The following NALCN variants were observed in gnomAD, a reference collection of about 807,000 sequenced individuals.
NALCN encodes the protein sodium leak channel, non-selective.
Under a neutral mutation model 225.3 loss-of-function variants are expected in NALCN, and 111 were observed. The ratio of observed to expected loss-of-function variants is 0.49; its 90% CI spans 0.42 to 0.58. The LOEUF (loss-of-function observed/expected upper bound fraction) is 0.58. Ranked by LOEUF, NALCN falls within the 20% of genes least tolerant of loss-of-function variation. NALCN has a pLI of 0.00. For synonymous variants in NALCN, 764 were observed against 769.0 expected (o/e 0.99, Z 0.11); for missense variants, 1,378 against 2,202.4 (o/e 0.63, Z 7.49).
rs2040753661 is a variant in NALCN at position 101,216,833 on chromosome 13, C to T, written c.1626+12560G>A. Among the ~76,000 whole-genome samples, 3 of 151,972 alleles carry T rather than the reference C, an allele frequency of 2.0e-5. No individual in the cohort carries two copies. The South Asian group carries it at 6.2e-4, about 32-fold the overall frequency. ...TATAGCATTTGTTGCTTCTATCGTG[C>T]AATAACTGTTTTGGACATATTTTAT... On this transcript the variant is annotated intron_variant, in intron 13 of 43. Transcript: ENST00000251127.
At position 101,054,997 on chromosome 13, in the gene NALCN, C is replaced by T. The variant is rs1396990986; in HGVS notation, c.*298G>A. The T allele has an allele frequency of 2.3e-5, 8 of 349,394 alleles. No individual in the cohort carries two copies. Among genetic ancestry groups the T allele is most frequent in the African/African-American group, 8.4e-5 (4 of 47,734 alleles). The allele number at this position is 349,394 out of a possible 1,614,324, so 21.6% of individuals were successfully genotyped here. On this transcript the variant is annotated 3_prime_UTR_variant, in exon 44 of 44. Coordinates refer to ENST00000251127, the MANE Select transcript of NALCN (RefSeq NM_052867.4). ...GCATTAGAGCACATATGAATATATA[C>T]CTTAGTTTACGCAGACAGAATATAT...
At chr13:101,074,479 T>C (rs765055434) in intron 36 of NALCN, 35 bp downstream of exon 36, 1 of 1,497,604 alleles carries the variant, frequency 6.7e-7, no homozygotes, top group Non-Finnish European at 8.9e-7. Flanking sequence ...AAGGGTTTGC[T>C]TGATAAATGA....
At position 101,111,145 on chromosome 13, in the gene NALCN, A is replaced by T; in HGVS notation, c.2274T>A (p.His758Gln). 1.9e-6 allele frequency: 3 copies of T among 1,608,294 alleles called. No homozygotes were observed. The highest frequency in any genetic ancestry group is 2.6e-6 in the Non-Finnish European group (3 of 1,175,532). The change falls in exon 19 of 44, where the codon CAT (histidine) becomes CAA (glutamine). Residue 758 changes from histidine to glutamine, a missense_variant. His to Gln is a conservative substitution (Grantham distance 24). Coordinates refer to ENST00000251127, the MANE Select transcript of NALCN (RefSeq NM_052867.4). ...TTTACCTGCGCTCTTGGCGGATATG[A>T]TGCTGCACGCTGAGGATTGACCTCT... ...AKERSILSVQHHIRQERRSLR... is the reference protein window; with the variant it reads ...AKERSILSVQQHIRQERRSLR...
chr13:101,403,442 T>C (rs1178376889), intron 1 of NALCN, among the ~76,000 whole-genome samples: 2 of 152,204 alleles, frequency 1.3e-5, no homozygotes, highest in African/African-American at 4.8e-5. Flanking sequence ...ATGTCCTCTT[T>C]GTTATCCAAT....
chr13:101,111,240 A>AT lies in NALCN; in HGVS notation c.2193-15_2193-14insA, dbSNP rs2035419719. 3 of 1,575,760 alleles carry AT rather than the reference A, an allele frequency of 1.9e-6. No homozygotes were observed. The highest frequency in any genetic ancestry group is 1.1e-5 in the South Asian group (1 of 88,722). On this transcript the variant is annotated splice_polypyrimidine_tract_variant and intron_variant, in intron 18 of 43. Coordinates refer to ENST00000251127, the MANE Select transcript of NALCN (RefSeq NM_052867.4). ...CGGGTGCAAGCTCTAGGAAAAAAAA[A>AT]GGAGCCCAAGATAAATGCATGGTTT...
At chr13:101,167,478 A>G (rs9518320) in intron 15 of NALCN, among the ~76,000 whole-genome samples, 36,769 of 152,132 alleles carry the variant, frequency 0.24, 5,223 homozygotes, top group Non-Finnish European at 0.32. Context: ...GTTTCTGGAT[A>G]TAATTCCATC....
chr13:101,374,214 T>C (rs1594756897), intron 6 of NALCN, among the ~76,000 whole-genome samples: 1 of 150,960 alleles, frequency 6.6e-6, no homozygotes, highest in South Asian at 2.1e-4. Context: ...ATACTATGGA[T>C]AATCAAGGAA....
chr13:101,216,813 C>T (rs16958648), intron 13 of NALCN, among the ~76,000 whole-genome samples: 5,913 of 152,096 alleles, frequency 0.039, 369 homozygotes, highest in African/African-American at 0.14. Flanking sequence ...TGTTTTATAG[C>T]ATTTGTTGCT....
At chr13:101,236,061 G>A (rs1389053839) in intron 12 of NALCN, among the ~76,000 whole-genome samples, 1 of 152,000 alleles carries the variant, frequency 6.6e-6, no homozygotes, top group Non-Finnish European at 1.5e-5. Flanking sequence ...AACAATCAAT[G>A]CACATTCTAG....
At chr13:101,225,631 G>T (rs2041113055) in intron 13 of NALCN, among the ~76,000 whole-genome samples, 1 of 152,174 alleles carries the variant, frequency 6.6e-6, no homozygotes, top group South Asian at 2.1e-4. Context: ...ACTGGGATTA[G>T]ATCTTACAAT....
Position 101,103,275 on chromosome 13 carries a change from A to AAC in NALCN, c.2953_2954insGT (p.Leu985ArgfsTer2). On this transcript the variant is annotated frameshift_variant, in exon 26 of 44. Coordinates refer to ENST00000251127, the MANE Select transcript of NALCN (RefSeq NM_052867.4). LOFTEE classifies it high-confidence loss of function. ...AGGTCTCAGGCACCGAAGGACCATT[A>AAC]GAAGCTGAGCTCCCGATTCAGCAGG... 1 of 1,614,036 alleles carries AAC rather than the reference A, an allele frequency of 6.2e-7. No homozygotes were observed. The highest frequency in any genetic ancestry group is 8.5e-7 in the Non-Finnish European group (1 of 1,179,914).
Position 101,061,950 on chromosome 13 carries a change from T to C in NALCN, c.4755+18A>G, listed in dbSNP as rs367857497. ...GGGCGGGGCGGGGACCCAACCTGCATGTGTGCAGTTCACTCACAGCTCTGA... is the reference window on the plus strand; with the variant it reads ...GGGCGGGGCGGGGACCCAACCTGCACGTGTGCAGTTCACTCACAGCTCTGA... On this transcript the variant is annotated intron_variant, in intron 41 of 43. Coordinates refer to ENST00000251127, the MANE Select transcript of NALCN (RefSeq NM_052867.4). The C allele has an allele frequency of 2.1e-5, 34 of 1,608,038 alleles. No individual in the cohort carries two copies. The Admixed American group carries it at 4.5e-4, about 21-fold the overall frequency.
intron 7 of NALCN, among the ~76,000 whole-genome samples, chr13:101,313,284 T>C (rs984729655): frequency 2.6e-5 from 4 of 152,130 alleles, no homozygotes; most frequent in Non-Finnish European, 5.9e-5. Context: ...AAAGACTTCA[T>C]GTCTAAAACA....
At chr13:101,156,639 C>T (rs1231260006) in intron 15 of NALCN, among the ~76,000 whole-genome samples, 1 of 152,140 alleles carries the variant, frequency 6.6e-6, no homozygotes, top group East Asian at 1.9e-4. Flanking sequence ...TGTGGCATCT[C>T]CCCTCTGCTC....
At chr13:101,296,058 C>G (rs2043742791) in intron 7 of NALCN, among the ~76,000 whole-genome samples, 1 of 152,186 alleles carries the variant, frequency 6.6e-6, no homozygotes, top group Admixed American at 6.5e-5. Context: ...TGACAGACTC[C>G]TGGGCTGCCC....
chr13:101,384,306 G>C (rs1393722525), intron 3 of NALCN, among the ~76,000 whole-genome samples: 1 of 152,004 alleles, frequency 6.6e-6, no homozygotes, highest in Non-Finnish European at 1.5e-5. Context: ...TGAGCTATGC[G>C]CAAAAATCAG....
At chr13:101,339,773 A>T (rs2139275023) in intron 7 of NALCN, among the ~76,000 whole-genome samples, 1 of 152,310 alleles carries the variant, frequency 6.6e-6, no homozygotes, top group Middle Eastern at 3.4e-3. Flanking sequence ...TAGAAAATTC[A>T]ATGACACGGG....
At chr13:101,405,620 G>C (rs1017795640) in intron 1 of NALCN, among the ~76,000 whole-genome samples, 1 of 152,060 alleles carries the variant, frequency 6.6e-6, no homozygotes, top group Admixed American at 6.5e-5. Flanking sequence ...ACCTCTCACG[G>C]CCTCCACAGC....
At chr13:101,291,879 G>T in intron 9 of NALCN, 111 bp downstream of exon 9, 2 of 1,066,746 alleles carry the variant, frequency 1.9e-6, no homozygotes, top group Non-Finnish European at 2.8e-6. Flanking sequence ...AGCTTCCTGA[G>T]TCAGACTATA....
Sources: gnomAD v4.1 joint callset for allele counts (sites outside exome capture counted in the v4.1 genomes callset) on GRCh38, gnomAD v4.1.1 for gene constraint, MANE v1.5 for transcripts, NCBI Gene and HGNC (gene_info 2026-07-23, HGNC 2026-07-21) for gene names.